TSHZ2: variants seen among roughly 807,000 people sequenced by gnomAD.
The protein encoded by TSHZ2 is teashirt zinc finger homeobox 2, also known as teashirt homolog 2.
In TSHZ2, 21 loss-of-function variants were observed where a neutral mutation model predicts 74.4. The ratio of observed to expected loss-of-function variants is 0.28; its 90% confidence interval spans 0.20 to 0.41. The LOEUF is 0.41. Ranked by LOEUF, TSHZ2 falls within the 10% of genes least tolerant of loss-of-function variation. The probability of loss-of-function intolerance (pLI) is 1.00; values close to 1 mark genes in which losing one functional copy is unlikely to be tolerated. For missense variants in TSHZ2, 1,244 were observed against 1,293.5 expected (o/e 0.96, Z 0.59); for synonymous variants, 540 against 515.3 (o/e 1.05, Z -0.65).
chr20:53,096,346 T>C (rs1276846092), intron 1 of TSHZ2, among the ~76,000 whole-genome samples: 1 of 152,090 alleles, frequency 6.6e-6, no homozygotes, highest in Non-Finnish European at 1.5e-5. Context: ...TTTCACCATG[T>C]CGGCCAAGCT....
intron 2 of TSHZ2, among the ~76,000 whole-genome samples, chr20:53,409,840 T>C (rs531376101): frequency 7.1e-5 from 9 of 126,490 alleles, no homozygotes; most frequent in South Asian, 3.0e-4. Flanking sequence ...TTTTCTTTTT[T>C]TTTTTTTTTT....
intron 1 of TSHZ2, among the ~76,000 whole-genome samples, chr20:53,195,390 C>T (rs1236380296): frequency 1.3e-5 from 2 of 152,064 alleles, no homozygotes; most frequent in Non-Finnish European, 2.9e-5. Context: ...CCATGGTAAG[C>T]TGATGAAAAC....
intron 2 of TSHZ2, among the ~76,000 whole-genome samples, chr20:53,367,616 G>A (rs1456286360): frequency 6.6e-6 from 1 of 151,704 alleles, no homozygotes; most frequent in Non-Finnish European, 1.5e-5. Context: ...TGTCACCCAG[G>A]CTGGAGTGCA....
chr20:53,264,974 G>A (rs1335182081), intron 2 of TSHZ2, among the ~76,000 whole-genome samples: 4 of 152,190 alleles, frequency 2.6e-5, no homozygotes, highest in African/African-American at 9.7e-5. Context: ...AGAGAGAGGG[G>A]TTCCCAAGAA....
At chr20:53,264,429 C>T (rs1990666282) in intron 2 of TSHZ2, among the ~76,000 whole-genome samples, 1 of 152,190 alleles carries the variant, frequency 6.6e-6, no homozygotes, top group Admixed American at 6.5e-5. Context: ...GTATATGGAA[C>T]AGACAATGTT....
intron 1 of TSHZ2, among the ~76,000 whole-genome samples, chr20:53,045,556 C>T (rs554253843): frequency 1.3e-5 from 2 of 152,334 alleles, no homozygotes; most frequent in East Asian, 3.9e-4. Context: ...CCAGGCTCTA[C>T]CTATCCTGAT....
chr20:53,194,637 TGAG>T (rs1045403172), intron 1 of TSHZ2, among the ~76,000 whole-genome samples: 5 of 152,160 alleles, frequency 3.3e-5, no homozygotes, highest in Non-Finnish European at 1.5e-5. Context: ...AGATGGCAGT[TGAG>T]GGGGCTTGGG....
intron 2 of TSHZ2, among the ~76,000 whole-genome samples, chr20:53,415,351 A>T (rs4811432): frequency 1 from 152,313 of 152,314 alleles, 76,156 homozygotes; most frequent in Non-Finnish European, 1. Context: ...ATCAGTACAG[A>T]TGATTCCAGA....
chr20:53,179,932 C>T (rs1005875616), intron 1 of TSHZ2, among the ~76,000 whole-genome samples: 2 of 152,100 alleles, frequency 1.3e-5, no homozygotes, highest in African/African-American at 4.8e-5. Flanking sequence ...GATGGAGTTA[C>T]CCTAGCAACT....
intron 1 of TSHZ2, among the ~76,000 whole-genome samples, chr20:53,001,232 G>GTGTA (rs1378964905): frequency 1.5e-5 from 2 of 135,286 alleles, no homozygotes; most frequent in African/African-American, 5.6e-5. Context: ...GTGTGTGTGT[G>GTGTA]TGTGTGTGTG....
At chr20:53,028,410 G>A (rs752333840) in intron 1 of TSHZ2, among the ~76,000 whole-genome samples, 48 of 152,262 alleles carry the variant, frequency 3.2e-4, no homozygotes, top group Non-Finnish European at 1.5e-4. Context: ...CACAGAACCC[G>A]GTGGCGGGAA....
intron 2 of TSHZ2, among the ~76,000 whole-genome samples, chr20:53,417,753 TC>T (rs1158559818): frequency 6.6e-6 from 1 of 152,116 alleles, no homozygotes; most frequent in Admixed American, 6.6e-5. Context: ...TCTTATCCTA[TC>T]TTCAACAAAA....
At chr20:53,061,013 A>G (rs904975399) in intron 1 of TSHZ2, among the ~76,000 whole-genome samples, 4 of 152,176 alleles carry the variant, frequency 2.6e-5, no homozygotes, top group Non-Finnish European at 5.9e-5. Flanking sequence ...CTGTCTGTCA[A>G]TTCAATGATA....
At chr20:53,326,741 T>C (rs916371303) in intron 2 of TSHZ2, among the ~76,000 whole-genome samples, 7 of 152,176 alleles carry the variant, frequency 4.6e-5, no homozygotes, top group Non-Finnish European at 1.0e-4. Context: ...AAGGTATTTA[T>C]AGGAAATGTG....
At chr20:53,481,335 G>A (rs971178600) in intron 2 of TSHZ2, among the ~76,000 whole-genome samples, 2 of 152,114 alleles carry the variant, frequency 1.3e-5, no homozygotes, top group Non-Finnish European at 2.9e-5. Flanking sequence ...ACTTTGGGAG[G>A]TCAAGGCAAT....
At chr20:53,035,570 T>G (rs997510582) in intron 1 of TSHZ2, among the ~76,000 whole-genome samples, 9 of 152,180 alleles carry the variant, frequency 5.9e-5, no homozygotes, top group Non-Finnish European at 8.8e-5. Context: ...AATTAAAATA[T>G]TATTTCCCCG....
At chr20:53,471,454 T>C (rs143669120) in intron 2 of TSHZ2, among the ~76,000 whole-genome samples, 1 of 152,342 alleles carries the variant, frequency 6.6e-6, no homozygotes, top group East Asian at 1.9e-4. Flanking sequence ...ATATATGCGA[T>C]GATGTGCTTA....
chr20:53,383,052 G>A (rs992920663), intron 2 of TSHZ2, among the ~76,000 whole-genome samples: 3 of 152,176 alleles, frequency 2.0e-5, no homozygotes, highest in South Asian at 2.1e-4. Flanking sequence ...CCTGAGGTTC[G>A]GAGGTCGAGA....
At chr20:53,304,300 G>A (rs1238853446) in intron 2 of TSHZ2, among the ~76,000 whole-genome samples, 1 of 150,282 alleles carries the variant, frequency 6.7e-6, no homozygotes, top group Non-Finnish European at 1.5e-5. Flanking sequence ...AGGTAGAGGT[G>A]AGTACAGCAA....
Sources: allele counts gnomAD v4.1 joint callset (sites outside exome capture counted in the v4.1 genomes callset), GRCh38; gene constraint gnomAD v4.1.1; transcripts MANE v1.5; gene names NCBI Gene and HGNC (gene_info 2026-07-23, HGNC 2026-07-21).